Variants in RPAP2 observed in about 807,000 individuals in gnomAD.
RPAP2 encodes the protein RNA polymerase II associated protein 2, also known as putative RNA polymerase II subunit B1 CTD phosphatase RPAP2.
Under a neutral mutation model 73.1 loss-of-function variants are expected in RPAP2, and 52 were observed. The ratio of observed to expected loss-of-function variants is 0.71; its 90% CI spans 0.57 to 0.90. RPAP2 has a LOEUF of 0.90. Ranked by LOEUF, RPAP2 falls within the 40% of genes least tolerant of loss-of-function variation. The pLI is 0.00. For missense variants in RPAP2, 598 were observed against 701.8 expected (o/e 0.85, Z 1.67); for synonymous variants, 225 against 242.1 (o/e 0.93, Z 0.65).
chr1:92,301,382 G>A, intron 2 of RPAP2, 94 bp from the exon 3 acceptor site: 1 of 485,814 alleles, frequency 2.1e-6, no homozygotes. Context: ...AATTTAAGTG[G>A]CAAAATAGTG....
intron 11 of RPAP2, among the ~76,000 whole-genome samples, chr1:92,361,942 G>A (rs142830108): frequency 3.1e-4 from 47 of 152,248 alleles, no homozygotes; most frequent in South Asian, 2.9e-3. Flanking sequence ...TTATTTATCT[G>A]ATGCATCACA....
chr1:92,368,328 G>A (rs1258064514), intron 11 of RPAP2, among the ~76,000 whole-genome samples: 3 of 152,052 alleles, frequency 2.0e-5, no homozygotes, highest in Admixed American at 6.6e-5. Context: ...GCAGTGAGCC[G>A]AGATCGTGCC....
At chr1:92,319,125 T>G (rs1396129027) in intron 6 of RPAP2, among the ~76,000 whole-genome samples, 3 of 152,234 alleles carry the variant, frequency 2.0e-5, no homozygotes, top group Admixed American at 2.0e-4. Flanking sequence ...TGCCTTTATA[T>G]ACAGACTGTA....
At chr1:92,353,227 G>A (rs1557620020) in intron 11 of RPAP2, among the ~76,000 whole-genome samples, 1 of 152,080 alleles carries the variant, frequency 6.6e-6, no homozygotes, top group South Asian at 2.1e-4. Flanking sequence ...GAATTGCTGG[G>A]TCATATGATA....
intron 9 of RPAP2, among the ~76,000 whole-genome samples, chr1:92,336,044 T>G (rs1653260825): frequency 6.6e-6 from 1 of 152,198 alleles, no homozygotes; most frequent in Non-Finnish European, 1.5e-5. Context: ...GTTCTTTCCA[T>G]CTTGGTCTAA....
rs1225634156 is a variant in RPAP2, at chr1:92,400,091, G to A, written c.*13080G>A. 1 of 152,098 alleles carries A rather than the reference G, an allele frequency of 6.6e-6. No homozygotes were observed. Among genetic ancestry groups the A allele is most frequent in the Non-Finnish European group, 1.5e-5 (1 of 68,032 alleles). The allele number at this position is 152,098 out of a possible 1,614,324, so 9.4% of individuals were successfully genotyped here. A position where few individuals can be genotyped will look rare whatever the true frequency, so the allele number is the denominator to read the frequency against. ...CCCAGGTCTCAAACTCCTTGTCTAT[G>A]GCTCATCTAACTAAGCAACAAAAAG... On this transcript the variant is annotated 3_prime_UTR_variant, in exon 13 of 13. Coordinates refer to ENST00000610020, the MANE Select transcript of RPAP2 (RefSeq NM_024813.3).
intron 11 of RPAP2, among the ~76,000 whole-genome samples, chr1:92,352,709 A>T (rs1234036244): frequency 6.6e-6 from 1 of 152,194 alleles, no homozygotes; most frequent in South Asian, 2.1e-4. Context: ...TATACAGTTC[A>T]TCATTTGTAT....
At chr1:92,348,244 C>T (rs529237779) in intron 11 of RPAP2, among the ~76,000 whole-genome samples, 119 of 152,322 alleles carry the variant, frequency 7.8e-4, no homozygotes, top group African/African-American at 2.8e-3. Flanking sequence ...TTGTCATTCA[C>T]CTTGCATCCC....
chr1:92,332,907 G>A lies in RPAP2; in HGVS notation c.1456-484G>A, dbSNP rs187310510. ...TTAGCTCTCTGATGCTAACAAATGTGTTTCAAACAAATGTGGATTGTTTTC... is the reference window on the plus strand; with the variant it reads ...TTAGCTCTCTGATGCTAACAAATGTATTTCAAACAAATGTGGATTGTTTTC... On this transcript the variant is annotated intron_variant, in intron 8 of 12. Transcript: ENST00000610020. Among the ~76,000 whole-genome samples the A allele has an allele frequency of 1.1e-4, 16 of 152,180 alleles. No homozygotes were observed. The East Asian group carries it at 2.9e-3, about 28-fold the overall frequency.
At position 92,389,473 on chromosome 1, in the gene RPAP2, G is replaced by A. The variant is rs774624880; in HGVS notation, c.*2462G>A. On this transcript the variant is annotated 3_prime_UTR_variant, in exon 13 of 13. Coordinates refer to ENST00000610020, the MANE Select transcript of RPAP2 (RefSeq NM_024813.3). ...GAAAGGCTGAAAATTCCAAAAACCA[G>A]AATGCCTCTTCTCCTCCAAAGGAAC... 6.6e-6 allele frequency: 1 copy of A among 152,166 alleles called. No individual in the cohort carries two copies. Among genetic ancestry groups the A allele is most frequent in the Non-Finnish European group, 1.5e-5 (1 of 68,032 alleles). 9.4% of individuals were successfully genotyped at this position (152,166 alleles called of 1,614,324 possible). A position where few individuals can be genotyped will look rare whatever the true frequency, so the allele number is the denominator to read the frequency against.
At chr1:92,310,982 A>G (rs1651561805) in intron 6 of RPAP2, among the ~76,000 whole-genome samples, 1 of 152,238 alleles carries the variant, frequency 6.6e-6, no homozygotes, top group South Asian at 2.1e-4. Flanking sequence ...ATTTTACATT[A>G]TCTCATATAT....
At chr1:92,384,131 T>C (rs1334890205) in intron 12 of RPAP2, among the ~76,000 whole-genome samples, 2 of 151,580 alleles carry the variant, frequency 1.3e-5, no homozygotes, top group African/African-American at 4.8e-5. Context: ...CTAATTTTTG[T>C]ATTTTTAGTA....
intron 11 of RPAP2, among the ~76,000 whole-genome samples, chr1:92,363,195 A>G (rs974283604): frequency 1.3e-5 from 2 of 152,212 alleles, no homozygotes; most frequent in African/African-American, 4.8e-5. Context: ...GAGGAACCTG[A>G]TGATAAGGGT....
chr1:92,324,943 A>C (rs1389666154), intron 8 of RPAP2, among the ~76,000 whole-genome samples: 3 of 152,184 alleles, frequency 2.0e-5, no homozygotes, highest in African/African-American at 7.2e-5. Context: ...CTGTATGAAA[A>C]ATTAGTTTCT....
intron 6 of RPAP2, among the ~76,000 whole-genome samples, chr1:92,316,022 C>T (rs11166543): frequency 0.048 from 7,342 of 152,216 alleles, 610 homozygotes; most frequent in African/African-American, 0.17. Flanking sequence ...TATATAGTTG[C>T]AGTTATAAAT....
In RPAP2 at chr1:92,388,426, CCA is replaced by C. The variant is rs1655937834; in HGVS notation, c.*1416_*1417del. 6.6e-6 allele frequency: 1 copy of C among 152,288 alleles called. No individual in the cohort carries two copies. The highest frequency in any genetic ancestry group is 2.4e-5 in the African/African-American group (1 of 41,444). The allele number at this position is 152,288 out of a possible 1,614,324, so 9.4% of individuals were successfully genotyped here. On this transcript the variant is annotated 3_prime_UTR_variant, in exon 13 of 13. Coordinates refer to ENST00000610020, the MANE Select transcript of RPAP2 (RefSeq NM_024813.3). ...TGAAGATGGCCGAATAGGAACAGCTCCAGTCTACAGCTCCCAGCAGGATGGAC... is the reference window on the plus strand; with the variant it reads ...TGAAGATGGCCGAATAGGAACAGCTCGTCTACAGCTCCCAGCAGGATGGAC...
At chr1:92,344,154 A>G (rs1653750882) in intron 10 of RPAP2, among the ~76,000 whole-genome samples, 1 of 152,208 alleles carries the variant, frequency 6.6e-6, no homozygotes, top group Admixed American at 6.5e-5. Context: ...TCATACCTGT[A>G]ATCCCAGCAT....
intron 7 of RPAP2, among the ~76,000 whole-genome samples, chr1:92,321,037 TTAATA>T (rs751447902): frequency 6.6e-6 from 1 of 152,234 alleles, no homozygotes; most frequent in Non-Finnish European, 1.5e-5. Flanking sequence ...ATCTAAAGCA[TTAATA>T]TAAATTCCAA....
intron 7 of RPAP2, among the ~76,000 whole-genome samples, chr1:92,321,627 G>A (rs765028584): frequency 2.2e-4 from 34 of 151,842 alleles, no homozygotes; most frequent in Non-Finnish European, 3.7e-4. Flanking sequence ...TCCCTTTTTC[G>A]TAATTCTTCA....
Sources: allele counts gnomAD v4.1 joint callset (sites outside exome capture counted in the v4.1 genomes callset), GRCh38; gene constraint gnomAD v4.1.1; transcripts MANE v1.5; gene names NCBI Gene and HGNC (gene_info 2026-07-23, HGNC 2026-07-21).